Variants in PRKN observed in about 807,000 individuals in gnomAD.
The protein encoded by PRKN is E3 ubiquitin-protein ligase parkin.
Under a neutral mutation model 59.5 loss-of-function variants are expected in PRKN, and 56 were observed. The observed-to-expected ratio is 0.94, with a 90% CI of 0.76 to 1.18. PRKN has a LOEUF of 1.18. Ranked by LOEUF, PRKN falls within the 50% of genes most tolerant of loss-of-function variation. The pLI, the probability that PRKN is intolerant of heterozygous loss-of-function variation, is 0.00. For missense variants in PRKN, 657 were observed against 596.4 expected (o/e 1.10, Z -1.06); for synonymous variants, 250 against 222.1 (o/e 1.13, Z -1.12).
chr6:161,440,700 A>C lies in PRKN; in HGVS notation c.1084-53823T>G, dbSNP rs535174264. Among the ~76,000 whole-genome samples the C allele has an allele frequency of 2.0e-5, 3 of 152,322 alleles. No homozygotes were observed. The South Asian group carries it at 6.2e-4, about 32-fold the overall frequency. Reference sequence around the variant, plus strand: ...ATGCATTCTGAGATTGCTTGGATCTAAATTGCCCTTTCCAAACCCAAGAGA... The same window carrying C: ...ATGCATTCTGAGATTGCTTGGATCTCAATTGCCCTTTCCAAACCCAAGAGA... On this transcript the variant is annotated intron_variant, in intron 9 of 11. Transcript: ENST00000366898. This position sits in a 1 kb window ranked among gnomAD's most constrained non-coding sequence, Gnocchi z 4.1.
intron 2 of PRKN, among the ~76,000 whole-genome samples, chr6:162,339,548 C>T (rs1351762752): frequency 2.0e-5 from 3 of 147,964 alleles, no homozygotes; most frequent in Middle Eastern, 3.6e-3. Context: ...CCAGCCGCCC[C>T]GTCCGGGAGG....
At chr6:162,242,210 G>T (rs1000423482) in intron 3 of PRKN, among the ~76,000 whole-genome samples, 5 of 152,060 alleles carry the variant, frequency 3.3e-5, no homozygotes, top group African/African-American at 1.2e-4. Context: ...GCACACACTG[G>T]GTGACCTCAT....
rs1480374095 is a variant in PRKN, at chr6:161,462,841, A to C, written c.1084-75964T>G. Among the ~76,000 whole-genome samples the C allele has an allele frequency of 6.6e-6, 1 of 152,150 alleles. No homozygotes were observed. Among genetic ancestry groups the C allele is most frequent in the Non-Finnish European group, 1.5e-5 (1 of 68,042 alleles). Reference sequence around the variant, plus strand: ...AATAATCCATGATTTTTTTGTTCTAAACTGGCTTAATAGGTCTGAGGCCAA... The same window carrying C: ...AATAATCCATGATTTTTTTGTTCTACACTGGCTTAATAGGTCTGAGGCCAA... On this transcript the variant is annotated intron_variant, in intron 9 of 11. Coordinates refer to ENST00000366898, the MANE Select transcript of PRKN (RefSeq NM_004562.3). The surrounding 1 kb of genome is among the most constrained non-coding windows in gnomAD (Gnocchi z 4.5).
At chr6:162,700,046 TC>T (rs1254085792) in intron 1 of PRKN, among the ~76,000 whole-genome samples, 2 of 152,182 alleles carry the variant, frequency 1.3e-5, no homozygotes, top group Non-Finnish European at 2.9e-5. Flanking sequence ...CTAACTTCTA[TC>T]TTCCATGTTC....
At chr6:161,860,657 T>C (rs1331748395) in intron 6 of PRKN, among the ~76,000 whole-genome samples, 1 of 152,156 alleles carries the variant, frequency 6.6e-6, no homozygotes, top group African/African-American at 2.4e-5. Flanking sequence ...TTTTGTCAGG[T>C]GGGTAGATTG....
At chr6:161,731,225 G>A (rs1787697578) in intron 7 of PRKN, among the ~76,000 whole-genome samples, 1 of 152,250 alleles carries the variant, frequency 6.6e-6, no homozygotes, top group Non-Finnish European at 1.5e-5. Context: ...CAGGGTTACA[G>A]GAATAAGGCA....
chr6:161,788,370 G>C (rs1790506754), intron 6 of PRKN, among the ~76,000 whole-genome samples: 1 of 152,116 alleles, frequency 6.6e-6, no homozygotes, highest in Non-Finnish European at 1.5e-5. Flanking sequence ...CCAAGTCTTG[G>C]GGCCTGGAAG....
chr6:162,394,378 T>C (rs1471626415), intron 2 of PRKN, among the ~76,000 whole-genome samples: 1 of 152,202 alleles, frequency 6.6e-6, no homozygotes, highest in African/African-American at 2.4e-5. Context: ...TGACTCTATG[T>C]AATCCTTATC....
chr6:162,069,201 G>A (rs1258498816), intron 4 of PRKN, among the ~76,000 whole-genome samples: 1 of 152,098 alleles, frequency 6.6e-6, no homozygotes, highest in Non-Finnish European at 1.5e-5. Context: ...TCTCTCTCGT[G>A]CTATTCTCAT....
At chr6:162,556,251 T>C (rs1187015806) in intron 1 of PRKN, among the ~76,000 whole-genome samples, 1 of 152,052 alleles carries the variant, frequency 6.6e-6, no homozygotes, top group South Asian at 2.1e-4. Context: ...GTAAGCTCTC[T>C]GCGAAATGTT....
chr6:162,112,672 T>C (rs1307640061), intron 4 of PRKN, among the ~76,000 whole-genome samples: 1 of 151,950 alleles, frequency 6.6e-6, no homozygotes, highest in Non-Finnish European at 1.5e-5. Flanking sequence ...TCCCAGCACT[T>C]TGGGAGTCTA....
chr6:161,505,086 T>C (rs1383422101), intron 9 of PRKN, among the ~76,000 whole-genome samples: 2 of 151,944 alleles, frequency 1.3e-5, no homozygotes, highest in Non-Finnish European at 2.9e-5. Flanking sequence ...TCTAGATCCC[T>C]GAGGAATCGC....
At chr6:161,398,068 C>A (rs1259945162) in intron 9 of PRKN, among the ~76,000 whole-genome samples, 2 of 152,120 alleles carry the variant, frequency 1.3e-5, no homozygotes, top group Non-Finnish European at 2.9e-5. Context: ...GGGAGACACA[C>A]TCAAAGGTTT....
rs141061596 is a variant in PRKN, at chr6:161,548,957, A to G, written c.980T>C (p.Met327Thr). 1.9e-6 allele frequency: 3 copies of G among 1,613,980 alleles called. No homozygotes were observed. The highest frequency in any genetic ancestry group is 1.3e-5 in the African/African-American group (1 of 74,914). The change falls in exon 9 of 12, where the codon ATG (methionine) becomes ACG (threonine). Residue 327 changes from methionine (M) to threonine (T), a missense_variant. By Grantham distance (81) the Met-to-Thr change is moderately conservative (BLOSUM62 -1). Transcript: ENST00000366898. The surrounding 1 kb of genome is among the most constrained non-coding windows in gnomAD (Gnocchi z 4.2). ...QYGAEECVLQMGGVLCPRPGC... is the reference protein window; with the variant it reads ...QYGAEECVLQTGGVLCPRPGC... ...AGGGCGGGGGCATAACACGCCCCCCATCTGCAGGACACACTCCTCTGCACC... is the reference window on the plus strand; with the variant it reads ...AGGGCGGGGGCATAACACGCCCCCCGTCTGCAGGACACACTCCTCTGCACC...
chr6:162,319,283 T>G (rs1445541453), intron 2 of PRKN, among the ~76,000 whole-genome samples: 2 of 151,992 alleles, frequency 1.3e-5, no homozygotes, highest in African/African-American at 2.4e-5. Flanking sequence ...ATCAGAATCT[T>G]TGGGGGTGGA....
chr6:162,035,660 C>T (rs912539276), intron 5 of PRKN, among the ~76,000 whole-genome samples: 3 of 151,992 alleles, frequency 2.0e-5, no homozygotes, highest in Admixed American at 2.0e-4. Context: ...AAATATGTTA[C>T]AATGTATTAA....
In PRKN at chr6:161,402,408, G is replaced by A. The variant is rs182952319; in HGVS notation, c.1084-15531C>T. Reference sequence around the variant, plus strand: ...TAAAGAGCAAGTGACTGTGTCCCAGGGCGGCTGAGATAATGCGCGGATCTC... The same window carrying A: ...TAAAGAGCAAGTGACTGTGTCCCAGAGCGGCTGAGATAATGCGCGGATCTC... On this transcript the variant is annotated intron_variant, in intron 9 of 11. Transcript: ENST00000366898. This position sits in a 1 kb window ranked among gnomAD's most constrained non-coding sequence, Gnocchi z 4.5. 3.3e-5 allele frequency among the ~76,000 whole-genome samples: 5 copies of A among 152,086 alleles called. No homozygotes were observed. Among genetic ancestry groups the A allele is most frequent in the African/African-American group, 1.2e-4 (5 of 41,366 alleles).
At chr6:161,837,807 A>G (rs944811748) in intron 6 of PRKN, among the ~76,000 whole-genome samples, 1 of 152,204 alleles carries the variant, frequency 6.6e-6, no homozygotes, top group Non-Finnish European at 1.5e-5. Context: ...TAACATCTGT[A>G]ATTTGCATTG....
chr6:162,638,739 CTTTTTTTT>C (rs370517141), intron 1 of PRKN, among the ~76,000 whole-genome samples: 39 of 99,640 alleles, frequency 3.9e-4, no homozygotes, highest in South Asian at 3.5e-3. Context: ...CTAACTATCC[CTTTTTTTT>C]TTTTTTTTTT....
Sources: allele counts gnomAD v4.1 joint callset (sites outside exome capture counted in the v4.1 genomes callset), GRCh38; gene constraint gnomAD v4.1.1; non-coding constraint Gnocchi (gnomAD v3.1); transcripts MANE v1.5; gene names NCBI Gene and HGNC (gene_info 2026-07-23, HGNC 2026-07-21).